SLC24A2: variants seen among roughly 807,000 people sequenced by gnomAD.
SLC24A2 encodes the protein sodium/potassium/calcium exchanger 2.
SLC24A2 carries 36 observed loss-of-function variants against 62.0 expected under a neutral mutation model. The ratio of observed to expected loss-of-function variants is 0.58; its 90% CI spans 0.44 to 0.77. The LOEUF is 0.77. Ranked by LOEUF, SLC24A2 falls within the 30% of genes least tolerant of loss-of-function variation. The probability of loss-of-function intolerance (pLI) is 0.00; values close to 1 mark genes in which losing one functional copy is unlikely to be tolerated. For synonymous variants in SLC24A2, 358 were observed against 294.0 expected, an observed-to-expected ratio of 1.22 and a Z score of -2.23; for missense variants, 846 against 817.9, an observed-to-expected ratio of 1.03 and a Z score of -0.42.
At chr9:20,303,727 T>C in the SLC24A2 span, among the ~76,000 whole-genome samples, 1 of 152,228 alleles carries the variant, frequency 6.6e-6, no homozygotes, top group South Asian at 2.1e-4. Flanking sequence ...TGAAATTTAA[T>C]TGAACTTTGC....
the SLC24A2 span, among the ~76,000 whole-genome samples, chr9:20,208,930 A>G: frequency 0.066 from 10,108 of 152,244 alleles, 952 homozygotes; most frequent in African/African-American, 0.21. Context: ...AGCAACGTGG[A>G]TCTAGTTGAG....
the SLC24A2 span, among the ~76,000 whole-genome samples, chr9:20,165,861 G>A: frequency 2.6e-5 from 4 of 151,748 alleles, no homozygotes; most frequent in Non-Finnish European, 5.9e-5. Context: ...ATGACAAATT[G>A]GTAGCAACAT....
the SLC24A2 span, among the ~76,000 whole-genome samples, chr9:20,203,608 C>T: frequency 2.4e-4 from 36 of 152,132 alleles, no homozygotes; most frequent in African/African-American, 8.7e-4. Context: ...CTTCAAGAGG[C>T]CAAGGCCAAA....
At chr9:20,250,593 G>A in the SLC24A2 span, among the ~76,000 whole-genome samples, 1 of 152,126 alleles carries the variant, frequency 6.6e-6, no homozygotes, top group African/African-American at 2.4e-5. Context: ...AAAAGAGTGG[G>A]AATGTCAGTA....
At chr9:20,268,786 C>G in the SLC24A2 span, among the ~76,000 whole-genome samples, 1 of 152,204 alleles carries the variant, frequency 6.6e-6, no homozygotes, top group African/African-American at 2.4e-5. Context: ...TGAATATACT[C>G]AGTTCACATA....
the SLC24A2 span, among the ~76,000 whole-genome samples, chr9:19,974,025 T>C: frequency 6.6e-6 from 1 of 152,166 alleles, no homozygotes; most frequent in Admixed American, 6.5e-5. Context: ...TTATTGATAA[T>C]CTTATCTCAT....
At chr9:19,581,514 AG>A (rs1238673444) in intron 5 of SLC24A2, among the ~76,000 whole-genome samples, 1 of 152,216 alleles carries the variant, frequency 6.6e-6, no homozygotes, top group Admixed American at 6.5e-5. Context: ...AGTCCTTGGA[AG>A]GTCCAATGGG....
intron 2 of SLC24A2, among the ~76,000 whole-genome samples, chr9:19,770,086 T>C (rs1822639465): frequency 6.6e-6 from 1 of 151,278 alleles, no homozygotes; most frequent in Non-Finnish European, 1.5e-5. Flanking sequence ...GTAGACTGCA[T>C]TCGCTGCTTC....
the SLC24A2 span, among the ~76,000 whole-genome samples, chr9:20,116,648 T>C: frequency 4.6e-5 from 7 of 152,194 alleles, no homozygotes; most frequent in East Asian, 3.9e-4. Context: ...GTCTAGGATG[T>C]ATTAATATTC....
chr9:20,051,361 G>A, the SLC24A2 span, among the ~76,000 whole-genome samples: 2 of 152,058 alleles, frequency 1.3e-5, no homozygotes, highest in African/African-American at 4.8e-5. Context: ...AAGGAAAATT[G>A]ACAGAAGTAC....
the SLC24A2 span, among the ~76,000 whole-genome samples, chr9:20,004,974 C>T: frequency 6.6e-6 from 1 of 152,046 alleles, no homozygotes; most frequent in Non-Finnish European, 1.5e-5. Flanking sequence ...AAGAGATTTT[C>T]TCTTTATTGC....
intron 8 of SLC24A2, among the ~76,000 whole-genome samples, chr9:19,547,373 A>G (rs1834633883): frequency 6.6e-6 from 1 of 152,184 alleles, no homozygotes; most frequent in Non-Finnish European, 1.5e-5. Context: ...GACTGGGGAC[A>G]GCTCTGTTTT....
chr9:19,726,876 G>C (rs1258457010), intron 2 of SLC24A2, among the ~76,000 whole-genome samples: 2 of 152,142 alleles, frequency 1.3e-5, no homozygotes, highest in African/African-American at 4.8e-5. Flanking sequence ...TGGCTTTAAA[G>C]TTCTAATGAA....
At chr9:19,894,130 G>C in the SLC24A2 span, among the ~76,000 whole-genome samples, 2 of 152,202 alleles carry the variant, frequency 1.3e-5, no homozygotes, top group African/African-American at 2.4e-5. Context: ...AAGGGGAAAA[G>C]GGATGTTGAA....
At chr9:20,028,629 T>C in the SLC24A2 span, among the ~76,000 whole-genome samples, 1 of 152,124 alleles carries the variant, frequency 6.6e-6, no homozygotes, top group African/African-American at 2.4e-5. Context: ...GCCATTCTGC[T>C]CGGGCTTCTG....
At chr9:20,081,491 G>T in the SLC24A2 span, among the ~76,000 whole-genome samples, 1 of 112,500 alleles carries the variant, frequency 8.9e-6, no homozygotes, top group African/African-American at 3.8e-5. Flanking sequence ...GGTGGGGGGA[G>T]GGGGGGAGGG....
chr9:20,209,477 T>C, the SLC24A2 span, among the ~76,000 whole-genome samples: 1 of 152,176 alleles, frequency 6.6e-6, no homozygotes, highest in African/African-American at 2.4e-5. Flanking sequence ...AAACAAGCTC[T>C]CTTCCCCGAA....
the SLC24A2 span, among the ~76,000 whole-genome samples, chr9:20,225,126 G>C: frequency 6.6e-6 from 1 of 152,014 alleles, no homozygotes; most frequent in Non-Finnish European, 1.5e-5. Context: ...GTCTGTCTCA[G>C]GCTTTGCTGC....
intron 2 of SLC24A2, among the ~76,000 whole-genome samples, chr9:19,663,682 T>C (rs1319924282): frequency 6.6e-6 from 1 of 152,180 alleles, no homozygotes; most frequent in East Asian, 1.9e-4. Context: ...GCAATGATGC[T>C]TTCTCCCTCA....
Sources: gnomAD v4.1 joint callset for allele counts (sites outside exome capture counted in the v4.1 genomes callset) on GRCh38, gnomAD v4.1.1 for gene constraint, MANE v1.5 for transcripts, NCBI Gene and HGNC (gene_info 2026-07-23, HGNC 2026-07-21) for gene names.